The following OPCML variants were observed in gnomAD, a reference collection of about 807,000 sequenced individuals.
OPCML encodes the protein opioid binding protein/cell adhesion molecule like.
OPCML carries 13 observed loss-of-function variants against 37.8 expected under a neutral mutation model. The ratio of observed to expected loss-of-function variants is 0.34; its 90% CI spans 0.22 to 0.55. The LOEUF (loss-of-function observed/expected upper bound fraction) is 0.55. Among genes scored for constraint, OPCML ranks in the 20% least tolerant of loss-of-function variants. The probability of loss-of-function intolerance (pLI) is 0.91; values close to 1 mark genes in which losing one functional copy is unlikely to be tolerated. For synonymous variants in OPCML, 176 were observed against 168.8 expected (o/e 1.04, Z -0.33); for missense variants, 341 against 435.6 (o/e 0.78, Z 1.93).
At chr11:133,038,732 G>A (rs1035935109) in intron 1 of OPCML, among the ~76,000 whole-genome samples, 1 of 151,802 alleles carries the variant, frequency 6.6e-6, no homozygotes, top group African/African-American at 2.4e-5. Flanking sequence ...GCTGTCTAAG[G>A]TGAGTTCAGG....
intron 2 of OPCML, among the ~76,000 whole-genome samples, chr11:132,839,238 C>T (rs1941179729): frequency 6.6e-6 from 1 of 152,122 alleles, no homozygotes; most frequent in Non-Finnish European, 1.5e-5. Flanking sequence ...CTTGGAACGG[C>T]CTTGGGAAAT....
intron 1 of OPCML, among the ~76,000 whole-genome samples, chr11:133,493,921 G>C (rs979167054): frequency 6.6e-6 from 1 of 151,842 alleles, no homozygotes; most frequent in African/African-American, 2.4e-5. Context: ...AGAGTGAACA[G>C]GCAACCCACA....
At chr11:132,630,387 GTC>G (rs1940024138) in intron 3 of OPCML, among the ~76,000 whole-genome samples, 1 of 152,172 alleles carries the variant, frequency 6.6e-6, no homozygotes, top group Non-Finnish European at 1.5e-5. Context: ...GTGAAACTCT[GTC>G]TCTACTAAAA....
intron 3 of OPCML, among the ~76,000 whole-genome samples, chr11:132,561,398 C>G (rs1253396003): frequency 6.6e-6 from 1 of 152,230 alleles, no homozygotes. Flanking sequence ...AAAACCCTTT[C>G]CAGTTGGCCC....
At chr11:132,714,171 G>C (rs1944379805) in intron 2 of OPCML, among the ~76,000 whole-genome samples, 1 of 152,286 alleles carries the variant, frequency 6.6e-6, no homozygotes, top group South Asian at 2.1e-4. Context: ...AATACTCTCT[G>C]CCTCTCTAGC....
intron 2 of OPCML, among the ~76,000 whole-genome samples, chr11:132,903,408 TG>T (rs1288513686): frequency 6.6e-6 from 1 of 152,244 alleles, no homozygotes; most frequent in East Asian, 1.9e-4. Context: ...CAGACATTAC[TG>T]TTGTAAACCA....
intron 3 of OPCML, among the ~76,000 whole-genome samples, chr11:132,540,836 A>G (rs914791654): frequency 5.3e-5 from 8 of 152,210 alleles, no homozygotes; most frequent in Admixed American, 4.6e-4. Flanking sequence ...AATTTGCACA[A>G]TTCAGACAAC....
intron 3 of OPCML, among the ~76,000 whole-genome samples, chr11:132,612,178 G>C (rs920829265): frequency 2.0e-5 from 3 of 152,160 alleles, no homozygotes; most frequent in African/African-American, 4.8e-5. Flanking sequence ...CTCAGGAAGA[G>C]TTTTCTCACA....
Position 133,463,563 on chromosome 11 carries a change from T to A in OPCML, c.61+68701A>T, listed in dbSNP as rs561801606. Reference sequence around the variant, plus strand: ...CACCTCACAACACCAAATATTAATATAAAAATACCTTTTAATTAACTAAAT... The same window carrying A: ...CACCTCACAACACCAAATATTAATAAAAAAATACCTTTTAATTAACTAAAT... On this transcript the variant is annotated intron_variant, in intron 1 of 7. Coordinates refer to ENST00000524381, the MANE Select transcript of OPCML (RefSeq NM_001012393.5). Among the ~76,000 whole-genome samples the A allele has an allele frequency of 1.1e-4, 17 of 152,240 alleles. 1 individual carries two copies. The South Asian group carries it at 3.3e-3, about 30-fold the overall frequency.
intron 1 of OPCML, among the ~76,000 whole-genome samples, chr11:133,140,899 GACGACGACGAAGAAGAAGAA>G (rs1949788886): frequency 1.5e-4 from 3 of 20,652 alleles, no homozygotes; most frequent in African/African-American, 2.7e-4. Flanking sequence ...CGACGAAGAC[GACGACGACGAAGAAGAAGAA>G]GACGACGACG....
At chr11:132,498,576 G>T (rs1476864158) in intron 4 of OPCML, among the ~76,000 whole-genome samples, 1 of 152,130 alleles carries the variant, frequency 6.6e-6, no homozygotes, top group African/African-American at 2.4e-5. Flanking sequence ...AGATTACTTG[G>T]CTTTATTTAT....
intron 1 of OPCML, among the ~76,000 whole-genome samples, chr11:133,093,010 A>C (rs1024414021): frequency 4.6e-5 from 7 of 152,294 alleles, no homozygotes; most frequent in Non-Finnish European, 8.8e-5. Context: ...ACTTTGAATT[A>C]GAGTCTGTAA....
intron 4 of OPCML, among the ~76,000 whole-genome samples, chr11:132,481,116 A>G (rs2096178714): frequency 6.6e-6 from 1 of 152,190 alleles, no homozygotes; most frequent in Non-Finnish European, 1.5e-5. Flanking sequence ...CAATTAAAAG[A>G]CACAAACTGA....
At chr11:133,062,299 C>A (rs1032655817) in intron 1 of OPCML, among the ~76,000 whole-genome samples, 1 of 152,156 alleles carries the variant, frequency 6.6e-6, no homozygotes, top group Non-Finnish European at 1.5e-5. Context: ...AAAGGAAGTC[C>A]ATGAATCCCC....
intron 2 of OPCML, among the ~76,000 whole-genome samples, chr11:132,704,607 A>T (rs1257387537): frequency 6.6e-6 from 1 of 152,244 alleles, no homozygotes; most frequent in Non-Finnish European, 1.5e-5. Flanking sequence ...AGCAAGAAAA[A>T]AGAAATTTGT....
chr11:133,092,261 T>C (rs1165689525), intron 1 of OPCML, among the ~76,000 whole-genome samples: 2 of 152,186 alleles, frequency 1.3e-5, no homozygotes, highest in Non-Finnish European at 2.9e-5. Context: ...GAGAAATAAA[T>C]GTCTGTTGTT....
At chr11:133,492,616 G>T (rs898902685) in intron 1 of OPCML, among the ~76,000 whole-genome samples, 2 of 151,620 alleles carry the variant, frequency 1.3e-5, no homozygotes, top group African/African-American at 4.9e-5. Context: ...GAATTAAGTT[G>T]GAGACAATGA....
intron 1 of OPCML, among the ~76,000 whole-genome samples, chr11:133,430,352 A>G (rs1565629680): frequency 1.3e-5 from 2 of 152,248 alleles, no homozygotes; most frequent in Non-Finnish European, 2.9e-5. Flanking sequence ...AGTTGGCACT[A>G]CAGGCAAGGT....
At chr11:133,490,697 G>T (rs1329505040) in intron 1 of OPCML, among the ~76,000 whole-genome samples, 1 of 152,140 alleles carries the variant, frequency 6.6e-6, no homozygotes, top group Non-Finnish European at 1.5e-5. Flanking sequence ...TCCCATGGCA[G>T]TCTCTCCTCC....
Sources: allele counts gnomAD v4.1 joint callset (sites outside exome capture counted in the v4.1 genomes callset), GRCh38; gene constraint gnomAD v4.1.1; transcripts MANE v1.5; gene names NCBI Gene and HGNC (gene_info 2026-07-23, HGNC 2026-07-21).